The following SYNE1 variants were observed in gnomAD, a reference collection of about 807,000 sequenced individuals.
SYNE1 encodes spectrin repeat containing nuclear envelope protein 1.
Under a neutral mutation model 1,111.0 loss-of-function variants are expected in SYNE1, and 616 were observed. The ratio of observed to expected loss-of-function variants is 0.55; its 90% CI spans 0.52 to 0.59. The LOEUF (loss-of-function observed/expected upper bound fraction) is 0.59, where lower values mean the gene tolerates loss of function less well. Ranked by LOEUF, SYNE1 falls within the 20% of genes least tolerant of loss-of-function variation. The pLI is 0.00. For missense variants in SYNE1, 10,006 were observed against 10,417.0 expected (o/e 0.96, Z 1.72); for synonymous variants, 3,855 against 3,825.8 (o/e 1.01, Z -0.28).
chr6:152,342,379 TCA>T (rs2096551139), intron 74 of SYNE1, among the ~76,000 whole-genome samples: 1 of 152,232 alleles, frequency 6.6e-6, no homozygotes, highest in African/African-American at 2.4e-5. Flanking sequence ...TCAAGGAAAC[TCA>T]CAGTCTAATA....
intron 3 of SYNE1, among the ~76,000 whole-genome samples, chr6:152,586,372 A>C (rs2128471037): frequency 6.6e-6 from 1 of 152,190 alleles, no homozygotes; most frequent in Admixed American, 6.5e-5. Context: ...TATTCCTCAA[A>C]AGACTGTGTC....
chr6:152,274,912 C>T (rs1353953211), intron 98 of SYNE1, among the ~76,000 whole-genome samples: 4 of 151,818 alleles, frequency 2.6e-5, no homozygotes, highest in Non-Finnish European at 4.4e-5. Flanking sequence ...TTTTAGTTGG[C>T]GTCTCACACT....
chr6:152,516,684 T>A (rs935934584), intron 6 of SYNE1, among the ~76,000 whole-genome samples: 2 of 152,138 alleles, frequency 1.3e-5, no homozygotes, highest in African/African-American at 4.8e-5. Context: ...GCTCAAGAGA[T>A]CCTCCCACCT....
At chr6:152,464,260 A>T (rs976395362) in intron 18 of SYNE1, among the ~76,000 whole-genome samples, 2 of 152,184 alleles carry the variant, frequency 1.3e-5, no homozygotes, top group African/African-American at 4.8e-5. Context: ...CACAACACAC[A>T]TCACAGTGAA....
intron 32 of SYNE1, among the ~76,000 whole-genome samples, chr6:152,440,567 A>ATTTTTTTTTTT (rs10700163): frequency 8.1e-6 from 1 of 122,728 alleles, no homozygotes; most frequent in African/African-American, 3.3e-5. Context: ...TTGCCTCCAG[A>ATTTTTTTTTTT]TTTTTTTTTT....
At chr6:152,269,788 ATTAATCAAAGACATT>A (rs1426046563) in intron 98 of SYNE1, among the ~76,000 whole-genome samples, 1 of 152,218 alleles carries the variant, frequency 6.6e-6, no homozygotes, top group Non-Finnish European at 1.5e-5. Context: ...CTAAAAGATT[ATTAATCAAAGACATT>A]TTAATGTCTT....
chr6:152,611,347 C>T (rs563764594), intron 3 of SYNE1, among the ~76,000 whole-genome samples: 1 of 152,208 alleles, frequency 6.6e-6, no homozygotes, highest in East Asian at 1.9e-4. Flanking sequence ...AGTTGCAATC[C>T]TAGTTCCTGA....
At chr6:152,589,883 T>C (rs1256169126) in intron 3 of SYNE1, among the ~76,000 whole-genome samples, 5 of 151,848 alleles carry the variant, frequency 3.3e-5, no homozygotes, top group African/African-American at 4.8e-5. Flanking sequence ...TATAAAAGCA[T>C]ACTTCACTCA....
At chr6:152,614,147 A>G (rs527999496) in intron 3 of SYNE1, among the ~76,000 whole-genome samples, 2 of 152,336 alleles carry the variant, frequency 1.3e-5, no homozygotes, top group East Asian at 3.9e-4. Context: ...GGATCTAATT[A>G]AACTAAAGAG....
At chr6:152,586,357 C>T (rs1040959964) in intron 3 of SYNE1, among the ~76,000 whole-genome samples, 1 of 152,140 alleles carries the variant, frequency 6.6e-6, no homozygotes, top group African/African-American at 2.4e-5. Flanking sequence ...AAGTCCTCTT[C>T]TATATATTCC....
intron 125 of SYNE1, among the ~76,000 whole-genome samples, chr6:152,207,560 A>G (rs2076745905): frequency 6.6e-6 from 1 of 152,216 alleles, no homozygotes; most frequent in Non-Finnish European, 1.5e-5. Flanking sequence ...GCCTGAAGGT[A>G]AGGGGCAACC....
In SYNE1 at chr6:152,416,383, T is replaced by C; in HGVS notation, c.6050+4A>G. On this transcript the variant is annotated splice_donor_region_variant and intron_variant, in intron 41 of 145. Transcript: ENST00000367255. ...ACAAGTGGCCGTGACAGTTTCCTAT[T>C]TACCTCTGCTGAAGAGCTTGGCGGG... is the stretch of plus-strand genomic sequence containing the variant. 6.2e-7 allele frequency: 1 copy of C among 1,613,880 alleles called. No individual in the cohort carries two copies. Among genetic ancestry groups the C allele is most frequent in the Admixed American group, 1.7e-5 (1 of 60,030 alleles).
In SYNE1 at chr6:152,334,255, G is replaced by A; in HGVS notation, c.12547C>T (p.Gln4183Ter). 1 of 1,613,608 alleles carries A rather than the reference G, an allele frequency of 6.2e-7. No individual in the cohort carries two copies. The highest frequency in any genetic ancestry group is 8.5e-7 in the Non-Finnish European group (1 of 1,179,996). ...SQVKDFVKKL[Q>*]SKQASVNTII... ...GTGTTCACGGATGCCTGTTTGCTCTGTAGTTTCTTAACAAAATCCTAAAGG... is the reference window on the plus strand; with the variant it reads ...GTGTTCACGGATGCCTGTTTGCTCTATAGTTTCTTAACAAAATCCTAAAGG... Residue 4183 changes from glutamine (Q) to a stop codon, truncating the protein, a stop_gained, in exon 77 of 146, where the codon CAG (glutamine) becomes TAG (stop). Coordinates refer to ENST00000367255, the MANE Select transcript of SYNE1 (RefSeq NM_182961.4). LOFTEE classifies it high-confidence loss of function.
intron 89 of SYNE1, 68 bp downstream of exon 89, chr6:152,310,328 T>G: frequency 6.2e-7 from 1 of 1,602,792 alleles, no homozygotes; most frequent in Non-Finnish European, 8.5e-7. Flanking sequence ...AGGAGGCATT[T>G]TTCCTTACTA....
intron 119 of SYNE1, among the ~76,000 whole-genome samples, chr6:152,220,216 G>A (rs1289751742): frequency 6.6e-6 from 1 of 152,146 alleles, no homozygotes; most frequent in Non-Finnish European, 1.5e-5. Flanking sequence ...ATTTGGAAAA[G>A]TTTATAAAAA....
At chr6:152,369,759 G>T in intron 59 of SYNE1, 145 bp from the exon 60 acceptor site, 1 of 918,574 alleles carries the variant, frequency 1.1e-6, no homozygotes, top group Non-Finnish European at 1.7e-6. Context: ...GAGGTGAGCA[G>T]ATAGCTTGAG....
intron 127 of SYNE1, among the ~76,000 whole-genome samples, chr6:152,201,089 G>C (rs986703276): frequency 2.0e-5 from 3 of 152,162 alleles, no homozygotes; most frequent in East Asian, 1.9e-4. Context: ...GAACACAAGG[G>C]CATGTTTAAT....
At chr6:152,635,949 C>A (rs1257825828) in intron 2 of SYNE1, among the ~76,000 whole-genome samples, 1 of 152,170 alleles carries the variant, frequency 6.6e-6, no homozygotes, top group Non-Finnish European at 1.5e-5. Flanking sequence ...TCTTCCTGTG[C>A]GGCTGATGGC....
chr6:152,630,509 A>C (rs2099696267), intron 2 of SYNE1, among the ~76,000 whole-genome samples: 1 of 152,208 alleles, frequency 6.6e-6, no homozygotes, highest in African/African-American at 2.4e-5. Context: ...ACCTGCCCAC[A>C]TACAAAAGCT....
Sources: gnomAD v4.1 joint callset for allele counts (sites outside exome capture counted in the v4.1 genomes callset) on GRCh38, gnomAD v4.1.1 for gene constraint, MANE v1.5 for transcripts, NCBI Gene and HGNC (gene_info 2026-07-23, HGNC 2026-07-21) for gene names.